RAD50: variants seen among roughly 807,000 people sequenced by gnomAD.
RAD50 encodes the protein DNA repair protein RAD50.
Under a neutral mutation model 168.8 loss-of-function variants are expected in RAD50, and 132 were observed. That is an observed-to-expected ratio of 0.78 (90% CI 0.68 to 0.90). The LOEUF (loss-of-function observed/expected upper bound fraction) is 0.90, where lower values mean the gene tolerates loss of function less well. RAD50 is among the 40% of genes least tolerant of loss of function. The pLI, the probability that RAD50 is intolerant of heterozygous loss-of-function variation, is 0.00. For missense variants in RAD50, 1,347 were observed against 1,534.4 expected, an observed-to-expected ratio of 0.88 and a Z score of 2.04; for synonymous variants, 525 against 497.4, an observed-to-expected ratio of 1.06 and a Z score of -0.74.
intron 5 of RAD50, among the ~76,000 whole-genome samples, chr5:132,581,367 G>A (rs1051530541): frequency 1.3e-5 from 2 of 152,114 alleles, no homozygotes; most frequent in Admixed American, 6.5e-5. Flanking sequence ...TGATCTGCCC[G>A]CCTCGGCCTC....
At chr5:132,627,622 A>G (rs1438483683) in intron 21 of RAD50, among the ~76,000 whole-genome samples, 1 of 152,244 alleles carries the variant, frequency 6.6e-6, no homozygotes, top group Non-Finnish European at 1.5e-5. Flanking sequence ...GAAGGCAAGC[A>G]TGGGTGGAAT....
At chr5:132,602,244 A>T (rs1222499423) in intron 13 of RAD50, among the ~76,000 whole-genome samples, 1 of 152,160 alleles carries the variant, frequency 6.6e-6, no homozygotes, top group Non-Finnish European at 1.5e-5. Flanking sequence ...TAGCCACTTG[A>T]GTTTCTGGTT....
rs540258828 is a variant in RAD50, at chr5:132,638,025, A to G, written c.3476-56A>G. The G allele has an allele frequency of 2.3e-5, 37 of 1,577,176 alleles. No individual in the cohort carries two copies. The African/African-American group carries it at 4.6e-4, about 20-fold the overall frequency. ...CTAGGCTTACTTGATATGTTTGTAA[A>G]TGACAAAAGGCTACAGAGCATAGGT... On this transcript the variant is annotated intron_variant, in intron 22 of 24. Coordinates refer to ENST00000378823, the MANE Select transcript of RAD50 (RefSeq NM_005732.4).
chr5:132,605,286 G>A (rs748893105), intron 16 of RAD50, among the ~76,000 whole-genome samples: 2 of 151,948 alleles, frequency 1.3e-5, no homozygotes, highest in Non-Finnish European at 2.9e-5. Context: ...AAGGTGATCC[G>A]CCTACCTTGG....
At chr5:132,611,851 G>T (rs1006913235) in intron 19 of RAD50, among the ~76,000 whole-genome samples, 1 of 151,808 alleles carries the variant, frequency 6.6e-6, no homozygotes, top group Non-Finnish European at 1.5e-5. Flanking sequence ...AACAGACTTC[G>T]CAGGGCTTTA....
chr5:132,590,167 C>T (rs1750673335), intron 9 of RAD50, among the ~76,000 whole-genome samples: 1 of 152,090 alleles, frequency 6.6e-6, no homozygotes, highest in African/African-American at 2.4e-5. Flanking sequence ...TTATGAGCAC[C>T]TTGATTAAGA....
At chr5:132,625,194 C>T (rs1377774610) in intron 21 of RAD50, among the ~76,000 whole-genome samples, 9 of 150,082 alleles carry the variant, frequency 6.0e-5, no homozygotes, top group Admixed American at 2.0e-4. Context: ...TCACGCCATT[C>T]TCCTGCCTCA....
rs2149840663 is a variant in RAD50 at position 132,588,034 on chromosome 5, A to G, written c.996A>G (p.Leu332=). ...LVDCHRELEK[L]NKESRLLNQE... is the part of the protein sequence containing the mutation. The stretch of plus-strand genomic sequence containing the variant: ...ACTGTCATCGTGAACTGGAAAAACT[A>G]AATAAAGAATCTAGGCTTCTCAATC... The change falls in exon 7 of 25, where the codon CTA becomes CTG. Residue 332 remains leucine, a synonymous_variant. Coordinates refer to ENST00000378823, the MANE Select transcript of RAD50 (RefSeq NM_005732.4). 6.2e-7 allele frequency: 1 copy of G among 1,612,626 alleles called. No individual in the cohort carries two copies. Among genetic ancestry groups the G allele is most frequent in the Non-Finnish European group, 8.5e-7 (1 of 1,178,742 alleles).
Position 132,604,951 on chromosome 5 carries a change from G to A in RAD50, c.2670G>A (p.Gln890=), listed in dbSNP as rs112241748. ...NLQRRQQLEE[Q]TVELSTEVQS... ...AACGTCGTCAGCAACTGGAGGAGCA[G>A]ACTGTGGAATTATCCACTGAAGTTC... Residue 890 remains glutamine (Q), a synonymous_variant, in exon 16 of 25, where the codon CAG becomes CAA. Coordinates refer to ENST00000378823, the MANE Select transcript of RAD50 (RefSeq NM_005732.4). 4.1e-4 allele frequency: 660 copies of A among 1,614,018 alleles called. 6 individuals are homozygous for A. In the African/African-American group the frequency reaches 7.1e-3, roughly 17 times the overall value.
intron 21 of RAD50, among the ~76,000 whole-genome samples, chr5:132,624,239 A>G (rs1751333358): frequency 6.6e-6 from 1 of 152,130 alleles, no homozygotes; most frequent in South Asian, 2.1e-4. Flanking sequence ...TTCTTTGAAT[A>G]TTGCCATCTC....
intron 21 of RAD50, among the ~76,000 whole-genome samples, chr5:132,628,762 G>A (rs912687850): frequency 1.3e-5 from 2 of 151,920 alleles, no homozygotes; most frequent in Non-Finnish European, 2.9e-5. Context: ...CAGGAGAATC[G>A]CCTGAACCCG....
At chr5:132,585,649 G>A (rs1376899271) in intron 5 of RAD50, among the ~76,000 whole-genome samples, 1 of 146,468 alleles carries the variant, frequency 6.8e-6, no homozygotes, top group African/African-American at 2.6e-5. Context: ...TCTTACCCAG[G>A]CCAGAGTGCA....
intron 21 of RAD50, among the ~76,000 whole-genome samples, chr5:132,623,361 A>C (rs1024339340): frequency 6.6e-6 from 1 of 152,176 alleles, no homozygotes; most frequent in African/African-American, 2.4e-5. Flanking sequence ...GCACACCTGT[A>C]ATGCCAGCTA....
intron 19 of RAD50, among the ~76,000 whole-genome samples, chr5:132,614,444 T>G (rs1327411529): frequency 1.3e-5 from 2 of 152,018 alleles, no homozygotes. Context: ...AATAATGCCT[T>G]TAGTAGATAC....
At position 132,618,241 on chromosome 5, in the gene RAD50, G is replaced by A; in HGVS notation, c.3336G>A (p.Arg1112=). ...EKYREMMIVM[R]TTELVNKDLD... is the part of the protein sequence containing the mutation. ...ATAGAGAAATGATGATTGTTATGAGGACAACAGAACTTGTGAACAAGGATC... is the reference window on the plus strand; with the variant it reads ...ATAGAGAAATGATGATTGTTATGAGAACAACAGAACTTGTGAACAAGGATC... Residue 1112 remains arginine, a synonymous_variant, in exon 21 of 25, where the codon AGG becomes AGA. Transcript: ENST00000378823. The A allele has an allele frequency of 1.2e-6, 2 of 1,614,000 alleles. No individual in the cohort carries two copies. Among genetic ancestry groups the A allele is most frequent in the East Asian group, 4.5e-5 (2 of 44,828 alleles).
intron 11 of RAD50, among the ~76,000 whole-genome samples, chr5:132,593,830 C>G (rs1370246414): frequency 2.0e-5 from 3 of 152,140 alleles, no homozygotes; most frequent in African/African-American, 7.2e-5. Context: ...GAAGCACAAA[C>G]ATTTAAAATG....
chr5:132,626,494 T>TTCAGTATA (rs1353527093), intron 21 of RAD50, among the ~76,000 whole-genome samples: 1 of 152,206 alleles, frequency 6.6e-6, no homozygotes, highest in Non-Finnish European at 1.5e-5. Context: ...TATACTATTA[T>TTCAGTATA]TCAGTATAGA....
At chr5:132,569,380 G>A (rs187702206) in intron 2 of RAD50, among the ~76,000 whole-genome samples, 12 of 152,260 alleles carry the variant, frequency 7.9e-5, no homozygotes, top group African/African-American at 2.4e-4. Context: ...ATTAATACCA[G>A]ACAGAAGACA....
In RAD50 at chr5:132,578,511, AT is replaced by A. The variant is rs1334747758; in HGVS notation, c.366-798del. 5.4e-3 allele frequency among the ~76,000 whole-genome samples: 656 copies of A among 120,968 alleles called. 1 individual carries two copies. The highest frequency in any genetic ancestry group is 0.018 in the African/African-American group (596 of 33,160). The allele number at this position is 120,968 out of a possible 152,430, so 79.4% of individuals were successfully genotyped here. Reference sequence around the variant, plus strand: ...GCATTCTTAATATATTCAGTATAATATTTTTTTTCTTTCTTTTTTTTTTTTT... The same window carrying A: ...GCATTCTTAATATATTCAGTATAATATTTTTTTCTTTCTTTTTTTTTTTTT... On this transcript the variant is annotated intron_variant, in intron 3 of 24. Coordinates refer to ENST00000378823, the MANE Select transcript of RAD50 (RefSeq NM_005732.4).
Sources: gnomAD v4.1 joint callset for allele counts (sites outside exome capture counted in the v4.1 genomes callset) on GRCh38, gnomAD v4.1.1 for gene constraint, MANE v1.5 for transcripts, NCBI Gene and HGNC (gene_info 2026-07-23, HGNC 2026-07-21) for gene names.